SAMMSON: variants seen among roughly 807,000 people sequenced by gnomAD.
The protein encoded by SAMMSON is long intergenic non-protein coding RNA 1212.
At chr3:70,326,510 G>A (rs944947186) in intron 7 of SAMMSON, among the ~76,000 whole-genome samples, 2 of 152,076 alleles carry the variant, frequency 1.3e-5, no homozygotes, top group Admixed American at 1.3e-4. Flanking sequence ...CCCAGTCTGT[G>A]GCAGTGAACT....
intron 3 of SAMMSON, among the ~76,000 whole-genome samples, chr3:70,061,504 G>C (rs1242709518): frequency 6.6e-6 from 1 of 152,098 alleles, no homozygotes; most frequent in Non-Finnish European, 1.5e-5. Flanking sequence ...AGAGCATCTG[G>C]CAATTCTGGG....
At chr3:70,056,559 C>G (rs762422533) in intron 3 of SAMMSON, among the ~76,000 whole-genome samples, 1 of 151,860 alleles carries the variant, frequency 6.6e-6, no homozygotes, top group Non-Finnish European at 1.5e-5. Context: ...TTCTCTCTCT[C>G]TCTCTCTCTC....
At chr3:70,330,466 A>G (rs1340211970) in intron 7 of SAMMSON, among the ~76,000 whole-genome samples, 1 of 152,052 alleles carries the variant, frequency 6.6e-6, no homozygotes, top group Non-Finnish European at 1.5e-5. Context: ...ACCACTTAAT[A>G]CAGTTTTAGG....
At chr3:70,192,006 A>G (rs2106712276) in intron 4 of SAMMSON, among the ~76,000 whole-genome samples, 1 of 152,236 alleles carries the variant, frequency 6.6e-6, no homozygotes, top group South Asian at 2.1e-4. Flanking sequence ...TGTAAAATAA[A>G]TTAATAAAAA....
rs368702443 is a variant in SAMMSON, at chr3:70,305,623, C to T, written n.739+14380C>T. Among the ~76,000 whole-genome samples, 21 of 152,216 alleles carry T rather than the reference C, an allele frequency of 1.4e-4. No individual in the cohort carries two copies. In the East Asian group the frequency reaches 1.7e-3, roughly 13 times the overall value. On this transcript the variant is annotated intron_variant and non_coding_transcript_variant, in intron 7 of 9. Coordinates refer to ENST00000642114, the Ensembl canonical transcript of SAMMSON. ...TTCTTTGTCTCACATGTTTTCTCTG[C>T]GTTCAAGAGGAGCCACATCAAATGG...
rs2067258046 is a variant in SAMMSON at position 70,078,797 on chromosome 3, A to AG, written n.507+7233dup. ...TGTTGGGCACGTTCAGGGTCATGGAAGTGTCTCTTTAAATTTTATGTCCTG... is the reference window on the plus strand; with the variant it reads ...TGTTGGGCACGTTCAGGGTCATGGAAGGTGTCTCTTTAAATTTTATGTCCTG... On this transcript the variant is annotated intron_variant and non_coding_transcript_variant, in intron 4 of 9. Transcript: ENST00000642114. Among the ~76,000 whole-genome samples, 3 of 152,308 alleles carry AG rather than the reference A, an allele frequency of 2.0e-5. No individual in the cohort carries two copies. The South Asian group carries it at 6.2e-4, about 32-fold the overall frequency.
intron 4 of SAMMSON, among the ~76,000 whole-genome samples, chr3:70,104,562 C>A (rs2067359335): frequency 1.3e-5 from 2 of 152,096 alleles, no homozygotes; most frequent in South Asian, 4.1e-4. Flanking sequence ...ATGCGAACAC[C>A]CCCAAGGGAA....
intron 7 of SAMMSON, among the ~76,000 whole-genome samples, chr3:70,339,685 A>C (rs1185615428): frequency 6.6e-6 from 1 of 152,220 alleles, no homozygotes; most frequent in Non-Finnish European, 1.5e-5. Flanking sequence ...AGAGAAATGC[A>C]AATCAAAACC....
chr3:70,087,346 A>G (rs1221672029), intron 4 of SAMMSON, among the ~76,000 whole-genome samples: 4 of 152,226 alleles, frequency 2.6e-5, no homozygotes, highest in African/African-American at 9.6e-5. Context: ...CCTGAGAGAT[A>G]CAAATGTATA....
At chr3:70,074,991 C>T (rs1011052269) in intron 4 of SAMMSON, 4 of 152,020 alleles carry the variant, frequency 2.6e-5, no homozygotes, top group African/African-American at 9.7e-5. Flanking sequence ...GCTCTTTGTT[C>T]CTCTCCTCGT....
intron 2 of SAMMSON, among the ~76,000 whole-genome samples, chr3:70,405,609 C>A (rs1053195619): frequency 6.6e-6 from 1 of 152,044 alleles, no homozygotes; most frequent in Admixed American, 6.5e-5. Flanking sequence ...GAGAAGTAAT[C>A]GATAAGCTTG....
At chr3:70,304,822 C>A (rs529358398) in intron 7 of SAMMSON, among the ~76,000 whole-genome samples, 1 of 152,260 alleles carries the variant, frequency 6.6e-6, no homozygotes, top group African/African-American at 2.4e-5. Context: ...AAAAAAATAT[C>A]CAGATTCCCA....
At chr3:70,280,509 G>A (rs562970694) in intron 6 of SAMMSON, among the ~76,000 whole-genome samples, 4 of 152,244 alleles carry the variant, frequency 2.6e-5, no homozygotes, top group African/African-American at 9.6e-5. Context: ...CTTTCTAGGG[G>A]AGCTGAGCTG....
intron 4 of SAMMSON, among the ~76,000 whole-genome samples, chr3:70,232,411 T>C (rs1352789340): frequency 2.6e-5 from 4 of 151,984 alleles, no homozygotes; most frequent in African/African-American, 9.7e-5. Context: ...CCTATTTTTT[T>C]TTTTTTCTTG....
chr3:70,221,268 C>A (rs1346105484), intron 4 of SAMMSON, among the ~76,000 whole-genome samples: 2 of 152,136 alleles, frequency 1.3e-5, no homozygotes, highest in African/African-American at 4.8e-5. Context: ...ATTCACTTCA[C>A]ACTATGAGAA....
At chr3:70,229,762 A>C (rs556649256) in intron 4 of SAMMSON, among the ~76,000 whole-genome samples, 1 of 152,322 alleles carries the variant, frequency 6.6e-6, no homozygotes, top group South Asian at 2.1e-4. Flanking sequence ...ACCTAGGGAT[A>C]TCTATCTGCA....
chr3:70,117,099 A>T (rs1465693435), intron 4 of SAMMSON, among the ~76,000 whole-genome samples: 2 of 152,214 alleles, frequency 1.3e-5, no homozygotes, highest in Non-Finnish European at 2.9e-5. Flanking sequence ...GAATAATAAG[A>T]TAAAATGATG....
chr3:70,378,038 A>G (rs906798687), intron 9 of SAMMSON, among the ~76,000 whole-genome samples: 3 of 151,994 alleles, frequency 2.0e-5, no homozygotes, highest in Non-Finnish European at 2.9e-5. Flanking sequence ...GGAAATATGT[A>G]TTTCAAATGA....
chr3:70,388,432 T>C (rs1254760583), intron 9 of SAMMSON, among the ~76,000 whole-genome samples: 3 of 152,198 alleles, frequency 2.0e-5, no homozygotes, highest in African/African-American at 7.2e-5. Flanking sequence ...TGTTTCTTTT[T>C]ATTTTGTTCC....
Sources: gnomAD v4.1 joint callset for allele counts (sites outside exome capture counted in the v4.1 genomes callset) on GRCh38, gnomAD v4.1.1 for gene constraint, MANE v1.5 for transcripts, NCBI Gene and HGNC (gene_info 2026-07-23, HGNC 2026-07-21) for gene names.